The following ARHGEF33 variants were observed in gnomAD, a reference collection of about 807,000 sequenced individuals.
The protein encoded by ARHGEF33 is Rho guanine nucleotide exchange factor 33, also known as DH and coiled-coil domain-containing protein ENSP00000381780.
In ARHGEF33, 72 loss-of-function variants were observed where a neutral mutation model predicts 101.9. The observed-to-expected ratio is 0.71, with a 90% CI of 0.58 to 0.86. The LOEUF (loss-of-function observed/expected upper bound fraction) is 0.86, where lower values mean the gene tolerates loss of function less well. ARHGEF33 is among the 40% of genes least tolerant of loss of function. ARHGEF33 has a pLI of 0.00. For missense variants in ARHGEF33, 1,169 were observed against 1,111.3 expected (o/e 1.05, Z -0.74); for synonymous variants, 499 against 442.5 (o/e 1.13, Z -1.60).
At chr2:38,962,972 C>T (rs1404780004) in intron 16 of ARHGEF33, among the ~76,000 whole-genome samples, 1 of 148,170 alleles carries the variant, frequency 6.7e-6, no homozygotes, top group Non-Finnish European at 1.5e-5. Context: ...TGCAGGGAGC[C>T]GAGATCGCAT....
At chr2:38,905,239 T>A (rs1322228098) in intron 2 of ARHGEF33, among the ~76,000 whole-genome samples, 1 of 151,754 alleles carries the variant, frequency 6.6e-6, no homozygotes, top group Non-Finnish European at 1.5e-5. Flanking sequence ...TACTAAAACA[T>A]AGGTAAAACT....
At chr2:38,967,109 A>G (rs1668066339) in intron 17 of ARHGEF33, among the ~76,000 whole-genome samples, 1 of 152,266 alleles carries the variant, frequency 6.6e-6, no homozygotes, top group African/African-American at 2.4e-5. Context: ...GAGGAAGCAC[A>G]GGGAAATCAC....
chr2:38,957,260 C>T (rs367898309), intron 14 of ARHGEF33, among the ~76,000 whole-genome samples: 2 of 152,216 alleles, frequency 1.3e-5, no homozygotes, highest in Admixed American at 6.5e-5. Flanking sequence ...ACACTTCACT[C>T]TACTGCTTAC....
intron 4 of ARHGEF33, among the ~76,000 whole-genome samples, chr2:38,925,734 C>T (rs973585196): frequency 3.9e-5 from 6 of 152,126 alleles, no homozygotes; most frequent in African/African-American, 7.2e-5. Flanking sequence ...TGTGCCACTG[C>T]AAAACACCTG....
rs1665970342 is a variant in ARHGEF33, at chr2:38,890,426, A to G, written c.-159+440A>G. 5.3e-5 allele frequency among the ~76,000 whole-genome samples: 8 copies of G among 152,200 alleles called. No individual in the cohort carries two copies. In the South Asian group the frequency reaches 1.7e-3, roughly 32 times the overall value. ...GTTTATTCCTTTCTAACACAGAAAAAGAATAGGGGAATCTTCAGCATTCAC... is the reference window on the plus strand; with the variant it reads ...GTTTATTCCTTTCTAACACAGAAAAGGAATAGGGGAATCTTCAGCATTCAC... On this transcript the variant is annotated intron_variant, in intron 1 of 17. Transcript: ENST00000409978.
intron 1 of ARHGEF33, 71 bp downstream of exon 1, chr2:38,890,057 A>G (rs752631230): frequency 1.4e-4 from 47 of 335,284 alleles, no homozygotes; most frequent in Admixed American, 3.8e-4. Context: ...ATGAAAACCC[A>G]TCAATCCTTA....
At chr2:38,896,843 T>G (rs532869283) in intron 2 of ARHGEF33, among the ~76,000 whole-genome samples, 7 of 152,322 alleles carry the variant, frequency 4.6e-5, no homozygotes, top group Non-Finnish European at 8.8e-5. Flanking sequence ...ACCCCATTCC[T>G]CTTTCCAAGC....
Position 38,959,970 on chromosome 2 carries a change from G to T in ARHGEF33, c.1665G>T (p.Pro555=), listed in dbSNP as rs1156369193. The stretch of plus-strand genomic sequence containing the variant: ...AGCGGCCCGAGAGCCTTCTGGCACC[G>T]ACGCAGTTCTGCGCGGCCGAGCAGG... ...KHERPESLLA[P]TQFCAAEQDV... Residue 555 remains proline (P), a synonymous_variant, in exon 16 of 18, where the codon CCG becomes CCT. Transcript: ENST00000409978. 1.7e-5 allele frequency: 26 copies of T among 1,551,138 alleles called. No individual in the cohort carries two copies. The highest frequency in any genetic ancestry group is 2.3e-5 in the Non-Finnish European group (26 of 1,146,874).
chr2:38,912,392 C>T (rs529704934), intron 2 of ARHGEF33, among the ~76,000 whole-genome samples: 1 of 152,324 alleles, frequency 6.6e-6, no homozygotes, highest in South Asian at 2.1e-4. Context: ...AAGGGACTTT[C>T]ATAATCATAG....
Position 38,973,754 on chromosome 2 carries a change from C to T in ARHGEF33, c.2524C>T (p.Pro842Ser). 2 of 1,546,764 alleles carry T rather than the reference C, an allele frequency of 1.3e-6. No individual in the cohort carries two copies. The highest frequency in any genetic ancestry group is 1.7e-6 in the Non-Finnish European group (2 of 1,145,114). Residue 842 changes from proline (P) to serine (S), a missense_variant, in exon 18 of 18, where the codon CCC (proline) becomes TCC (serine). Physicochemically the swap from Pro to Ser is moderately conservative, Grantham distance 74 (BLOSUM62 -1). Transcript: ENST00000409978. The part of the protein sequence containing the change: ...SEYREKTNEN[P>S]SMDPSPTKQD... ...ATACAGGGAAAAAACTAATGAGAAT[C>T]CCTCAATGGATCCTTCACCCACCAA... is the stretch of plus-strand genomic sequence containing the variant.
At chr2:38,902,458 G>T (rs1344732763) in intron 2 of ARHGEF33, among the ~76,000 whole-genome samples, 3 of 152,178 alleles carry the variant, frequency 2.0e-5, no homozygotes, top group Non-Finnish European at 4.4e-5. Flanking sequence ...CAAAACAGGA[G>T]CTTATGACTT....
At position 38,891,619 on chromosome 2, in the gene ARHGEF33, G is replaced by A. The variant is rs182547766; in HGVS notation, c.-159+1633G>A. ...CTTAGACTTTGATTTTAGGACTGGA[G>A]TATGATTTGTTCAATATTTCTCTTT... On this transcript the variant is annotated intron_variant, in intron 1 of 17. Transcript: ENST00000409978. Among the ~76,000 whole-genome samples the A allele has an allele frequency of 1.1e-3, 170 of 152,294 alleles. 1 individual carries two copies. The highest frequency in any genetic ancestry group is 8.2e-3 in the Admixed American group (126 of 15,294).
rs1668046563 is a variant in ARHGEF33, at chr2:38,966,082, A to C, written c.2420A>C (p.Gln807Pro). 6.4e-7 allele frequency: 1 copy of C among 1,551,630 alleles called. No homozygotes were observed. The highest frequency in any genetic ancestry group is 8.7e-7 in the Non-Finnish European group (1 of 1,147,002). ...AGTGAACAAACATCTTTCAGCGATC[A>C]AAATCCCAGGCAAGACCAGAAGGGG... ...RESEQTSFSD[Q>P]NPRQDQKGGF... Residue 807 changes from glutamine to proline, a missense_variant, in exon 17 of 18, where the codon CAA (glutamine) becomes CCA (proline). Gln to Pro is a moderately conservative substitution (Grantham distance 76, BLOSUM62 -1). Transcript: ENST00000409978.
In ARHGEF33 at chr2:38,937,442, G is replaced by A. The variant is rs1371360991; in HGVS notation, c.673G>A (p.Asp225Asn). 1 of 1,550,240 alleles carries A rather than the reference G, an allele frequency of 6.5e-7. No homozygotes were observed. The highest frequency in any genetic ancestry group is 1.7e-4 in the Middle Eastern group (1 of 5,916). Residue 225 changes from aspartate (D) to asparagine (N), a missense_variant, in exon 9 of 18, where the codon GAT (aspartate) becomes AAT (asparagine). Transcript: ENST00000409978. The part of the protein sequence containing the change: ...LPSGMWRQPK[D>N]GKEWGEEYVT... ...ATCTGGCATGTGGAGGCAGCCTAAG[G>A]ATGGTAAAGAATGGGGTGAAGAATA...
intron 10 of ARHGEF33, among the ~76,000 whole-genome samples, chr2:38,950,568 T>C (rs1180590411): frequency 6.6e-6 from 1 of 152,124 alleles, no homozygotes; most frequent in East Asian, 1.9e-4. Flanking sequence ...TCTCCTGCCT[T>C]AGCCTCCCAA....
At chr2:38,921,581 C>T (rs747579614) in intron 4 of ARHGEF33, among the ~76,000 whole-genome samples, 158 bp downstream of exon 4, 29 of 152,150 alleles carry the variant, frequency 1.9e-4, no homozygotes, top group Non-Finnish European at 4.0e-4. Flanking sequence ...CAGTGGGTCC[C>T]GCCACTCACA....
rs573211268 is a variant in ARHGEF33, at chr2:38,919,409, T to A, written c.-39T>A. On this transcript the variant is annotated 5_prime_UTR_variant, in exon 3 of 18. An upstream start codon of the reference 5' UTR is lost. Coordinates refer to ENST00000409978, the MANE Select transcript of ARHGEF33 (RefSeq NM_001145451.5). ...CTGAGCCAGGACGATGAGGATGCAA[T>A]GTTGAAGAATAAGCTGGAGAAGAGA... The A allele has an allele frequency of 7.7e-6, 12 of 1,551,316 alleles. No individual in the cohort carries two copies. The highest frequency in any genetic ancestry group is 2.4e-5 in the South Asian group (2 of 84,050).
chr2:38,957,518 A>G (rs1252529940), intron 14 of ARHGEF33, among the ~76,000 whole-genome samples: 1 of 152,246 alleles, frequency 6.6e-6, no homozygotes, highest in African/African-American at 2.4e-5. Flanking sequence ...ACAGTGAACA[A>G]ATAAATAAGA....
Position 38,903,473 on chromosome 2 carries a change from T to A in ARHGEF33, c.-86+7624T>A, listed in dbSNP as rs1020980651. On this transcript the variant is annotated intron_variant, in intron 2 of 17. Coordinates refer to ENST00000409978, the MANE Select transcript of ARHGEF33 (RefSeq NM_001145451.5). ...ACTGGCTCATTCAAAGCCCATCACA[T>A]AATTTGTTTTGGAGACAGGAGCATC... 9.2e-5 allele frequency among the ~76,000 whole-genome samples: 14 copies of A among 151,896 alleles called. No individual in the cohort carries two copies. The East Asian group carries it at 1.2e-3, about 13-fold the overall frequency.
Sources: gnomAD v4.1 joint callset for allele counts (sites outside exome capture counted in the v4.1 genomes callset) on GRCh38, gnomAD v4.1.1 for gene constraint, MANE v1.5 for transcripts, NCBI Gene and HGNC (gene_info 2026-07-23, HGNC 2026-07-21) for gene names.